The following FCF1 variants were observed in gnomAD, a reference collection of about 807,000 sequenced individuals.
The protein encoded by FCF1 is FCF1 rRNA-processing protein.
FCF1 carries 17 observed loss-of-function variants against 32.5 expected under a neutral mutation model. The ratio of observed to expected loss-of-function variants is 0.52; its 90% CI spans 0.36 to 0.78. FCF1 has a LOEUF of 0.78. FCF1 is among the 30% of genes least tolerant of loss of function. The probability of loss-of-function intolerance (pLI) is 0.00; values close to 1 mark genes in which losing one functional copy is unlikely to be tolerated. For synonymous variants in FCF1, 84 were observed against 78.4 expected (o/e 1.07, Z -0.38); for missense variants, 201 against 241.1 (o/e 0.83, Z 1.10).
chr14:74,722,770 C>CA (rs112633957), intron 4 of FCF1, among the ~76,000 whole-genome samples: 151 of 145,734 alleles, frequency 1.0e-3, no homozygotes, highest in South Asian at 4.8e-3. Flanking sequence ...CCCATCTCTA[C>CA]AAAAAAAAAA....
intron 2 of FCF1, among the ~76,000 whole-genome samples, chr14:74,714,285 C>G (rs2090382156): frequency 6.6e-6 from 1 of 152,146 alleles, no homozygotes; most frequent in South Asian, 2.1e-4. Context: ...GAAACCCTGT[C>G]TCCACTAAAA....
intron 4 of FCF1, among the ~76,000 whole-genome samples, chr14:74,719,343 G>A (rs369821574): frequency 4.6e-5 from 7 of 151,498 alleles, no homozygotes; most frequent in Admixed American, 6.6e-5. Context: ...TGGGCTGGGC[G>A]AGATCTTCAC....
At chr14:74,733,510 T>C (rs2090664940) in intron 6 of FCF1, among the ~76,000 whole-genome samples, 1 of 152,196 alleles carries the variant, frequency 6.6e-6, no homozygotes, top group Non-Finnish European at 1.5e-5. Context: ...ACGTGACAGA[T>C]GTGAAGCTTC....
At position 74,734,065 on chromosome 14, in the gene FCF1, G is replaced by A; in HGVS notation, c.454-11G>A. On this transcript the variant is annotated splice_polypyrimidine_tract_variant and intron_variant, in intron 6 of 7. Transcript: ENST00000341162. The stretch of plus-strand genomic sequence containing the variant: ...GACCTCAGTGTGAACATCACTCCAT[G>A]TCTCTTACAGCATAAGTGTTACATT... The A allele has an allele frequency of 6.3e-7, 1 of 1,597,318 alleles. No individual in the cohort carries two copies.
chr14:74,720,638 A>G (rs1345284924), intron 4 of FCF1, among the ~76,000 whole-genome samples: 1 of 152,080 alleles, frequency 6.6e-6, no homozygotes, highest in Non-Finnish European at 1.5e-5. Context: ...TGGCATGTAT[A>G]TATAAATGGG....
Position 74,716,164 on chromosome 14 carries a change from T to C in FCF1, c.292+65T>C. 4.0e-6 allele frequency: 6 copies of C among 1,487,642 alleles called. No homozygotes were observed. The African/African-American group carries it at 4.1e-5, about 10-fold the overall frequency. The allele number at this position is 1,487,642 out of a possible 1,614,324, so 92.2% of individuals were successfully genotyped here. A position where few individuals can be genotyped will look rare whatever the true frequency, so the allele number is the denominator to read the frequency against. ...GAATAATTATATTTATACAAATACA[T>C]GAAAGGAGGGAGATGGGGTTCTTGT... On this transcript the variant is annotated intron_variant, in intron 4 of 7. Transcript: ENST00000341162.
intron 5 of FCF1, among the ~76,000 whole-genome samples, chr14:74,729,581 GT>G (rs1385120909): frequency 6.6e-6 from 1 of 152,056 alleles, no homozygotes; most frequent in South Asian, 2.1e-4. Flanking sequence ...TTTTTGAAGG[GT>G]TTTTTGTGTC....
intron 4 of FCF1, among the ~76,000 whole-genome samples, chr14:74,717,813 T>C (rs2090441611): frequency 6.6e-6 from 1 of 152,210 alleles, no homozygotes; most frequent in Non-Finnish European, 1.5e-5. Flanking sequence ...ACCAGTAATA[T>C]CTAGATAGTG....
Position 74,734,940 on chromosome 14 carries a change from GAC to G in FCF1, c.*14_*15del, listed in dbSNP as rs2090687377. 2 of 1,611,144 alleles carry G rather than the reference GAC, an allele frequency of 1.2e-6. No individual in the cohort carries two copies. The highest frequency in any genetic ancestry group is 1.7e-6 in the Non-Finnish European group (2 of 1,177,468). Reference sequence around the variant, plus strand: ...AGCCCCTCGATTCTAATTCTTACAAGACACAGTTCCTCTGCCTTTCTTCGACC... The same window carrying G: ...AGCCCCTCGATTCTAATTCTTACAAGACAGTTCCTCTGCCTTTCTTCGACC... On this transcript the variant is annotated 3_prime_UTR_variant, in exon 8 of 8. Coordinates refer to ENST00000341162, the MANE Select transcript of FCF1 (RefSeq NM_015962.5).
chr14:74,714,155 G>GT (rs1316681006), intron 2 of FCF1, among the ~76,000 whole-genome samples: 2 of 152,188 alleles, frequency 1.3e-5, no homozygotes, highest in African/African-American at 4.8e-5. Context: ...TCTTCACTGA[G>GT]TTTAAGAGTC....
intron 3 of FCF1, 100 bp downstream of exon 3, chr14:74,715,043 C>T: frequency 2.6e-6 from 3 of 1,165,382 alleles, no homozygotes; most frequent in Non-Finnish European, 3.6e-6. Context: ...GTTAGTAAGT[C>T]TAGCACAACT....
intron 4 of FCF1, 32 bp from the exon 5 acceptor site, chr14:74,723,240 C>G (rs1424595667): frequency 6.6e-7 from 1 of 1,520,740 alleles, no homozygotes; most frequent in Non-Finnish European, 9.1e-7. Context: ...GTTACAAGTT[C>G]TGTTCTTAAT....
intron 6 of FCF1, among the ~76,000 whole-genome samples, chr14:74,733,145 T>G (rs1463081072): frequency 6.6e-6 from 1 of 152,208 alleles, no homozygotes; most frequent in East Asian, 1.9e-4. Context: ...TAAAATGATT[T>G]TAAGTGAGTT....
At chr14:74,724,352 G>T (rs752492696) in intron 5 of FCF1, among the ~76,000 whole-genome samples, 3 of 152,088 alleles carry the variant, frequency 2.0e-5, no homozygotes, top group Non-Finnish European at 4.4e-5. Flanking sequence ...GGCACAATCA[G>T]GGCTCACTGC....
At chr14:74,732,154 T>TATA (rs2090646289) in intron 5 of FCF1, among the ~76,000 whole-genome samples, 1 of 149,958 alleles carries the variant, frequency 6.7e-6, no homozygotes, top group African/African-American at 2.4e-5. Flanking sequence ...TTAAATCATA[T>TATA]TATATATATA....
intron 5 of FCF1, among the ~76,000 whole-genome samples, chr14:74,725,258 A>G (rs1424101927): frequency 6.6e-6 from 1 of 151,794 alleles, no homozygotes; most frequent in Non-Finnish European, 1.5e-5. Flanking sequence ...TGGGAGGCCG[A>G]GGCAGGCAGA....
intron 4 of FCF1, among the ~76,000 whole-genome samples, chr14:74,717,241 A>G (rs941714074): frequency 1.3e-5 from 2 of 152,192 alleles, no homozygotes; most frequent in African/African-American, 2.4e-5. Context: ...CTGTAGTCCC[A>G]GCTACTTGGG....
At chr14:74,732,959 A>T in intron 6 of FCF1, 141 bp downstream of exon 6, 2 of 567,644 alleles carry the variant, frequency 3.5e-6, no homozygotes, top group South Asian at 4.7e-5. Context: ...GCATTCCTTC[A>T]TAAGAAGCAT....
At chr14:74,723,203 G>A (rs2090529492) in intron 4 of FCF1, 69 bp from the exon 5 acceptor site, 9 of 1,130,490 alleles carry the variant, frequency 8.0e-6, no homozygotes, top group Non-Finnish European at 1.2e-5. Context: ...AAAACTCTGA[G>A]CAGGGATATA....
Sources: gnomAD v4.1 joint callset for allele counts (sites outside exome capture counted in the v4.1 genomes callset) on GRCh38, gnomAD v4.1.1 for gene constraint, MANE v1.5 for transcripts, NCBI Gene and HGNC (gene_info 2026-07-23, HGNC 2026-07-21) for gene names.